The following CIT variants were observed in gnomAD, a reference collection of about 807,000 sequenced individuals.
The protein encoded by CIT is citron Rho-interacting kinase.
In CIT, 79 loss-of-function variants were observed where a neutral mutation model predicts 272.7. The ratio of observed to expected loss-of-function variants is 0.29; its 90% CI spans 0.24 to 0.35. The LOEUF is 0.35. Among genes scored for constraint, CIT ranks in the 10% least tolerant of loss-of-function variants. The pLI, the probability that CIT is intolerant of heterozygous loss-of-function variation, is 1.00. For missense variants in CIT, 1,909 were observed against 2,618.3 expected (o/e 0.73, Z 5.91); for synonymous variants, 948 against 995.6 (o/e 0.95, Z 0.90).
chr12:119,760,662 C>G (rs1003682703), intron 20 of CIT, among the ~76,000 whole-genome samples: 1 of 151,678 alleles, frequency 6.6e-6, no homozygotes, highest in Non-Finnish European at 1.5e-5. Flanking sequence ...CCAAGAGCCA[C>G]TGGACATTTT....
Position 119,776,806 on chromosome 12 carries a change from T to C in CIT, c.1702A>G (p.Met568Val). 1 of 1,614,076 alleles carries C rather than the reference T, an allele frequency of 6.2e-7. No homozygotes were observed. The highest frequency in any genetic ancestry group is 8.5e-7 in the Non-Finnish European group (1 of 1,180,030). Reference sequence around the variant, plus strand: ...ACAAGATCCTCTTCCAACTGATTCATCATCAACCTCATTTCTTCCACTTGA... The same window carrying C: ...ACAAGATCCTCTTCCAACTGATTCACCATCAACCTCATTTCTTCCACTTGA... ...QAQVEEMRLM[M>V]NQLEEDLVSA... Residue 568 changes from methionine (M) to valine (V), a missense_variant, in exon 14 of 48, where the codon ATG becomes GTG. Around this residue, in one of 8 missense-constraint regions of CIT, gnomAD observed 530 missense variants for 822.4 expected, o/e 0.64. Coordinates refer to ENST00000392521, the MANE Select transcript of CIT (RefSeq NM_001206999.2).
chr12:119,731,475 C>CAAAAAAAAA (rs34429031), intron 26 of CIT, among the ~76,000 whole-genome samples: 2 of 108,038 alleles, frequency 1.9e-5, no homozygotes, highest in Non-Finnish European at 1.9e-5. Flanking sequence ...ACTCCATTCT[C>CAAAAAAAAA]AAAAAAAAAA....
rs10699099 is a variant in CIT at position 119,717,838 on chromosome 12, C to CTTTTTTTTTTT, written c.4168+396_4168+406dup. Reference sequence around the variant, plus strand: ...GGGGAGCCAGGAGACTGACTTCTTTCTTTTTTTTTTTTTTTTTTTTGAGAT... The same window carrying CTTTTTTTTTTT: ...GGGGAGCCAGGAGACTGACTTCTTTCTTTTTTTTTTTTTTTTTTTTTTTTTTTTTTTGAGAT... On this transcript the variant is annotated intron_variant, in intron 32 of 47. Transcript: ENST00000392521. Among the ~76,000 whole-genome samples the CTTTTTTTTTTT allele has an allele frequency of 1.0e-3, 81 of 81,334 alleles. 10 individuals are homozygous for CTTTTTTTTTTT. Among genetic ancestry groups the CTTTTTTTTTTT allele is most frequent in the African/African-American group, 2.3e-3 (47 of 20,206 alleles). 53.4% of individuals were successfully genotyped at this position (81,334 alleles called of 152,430 possible).
intron 5 of CIT, among the ~76,000 whole-genome samples, chr12:119,845,893 A>AAC (rs1969769085): frequency 6.6e-6 from 1 of 150,940 alleles, no homozygotes; most frequent in Admixed American, 6.6e-5. Context: ...GTGAGCCGAG[A>AAC]ACACGCCACT....
chr12:119,715,231 T>C (rs1957396110), intron 32 of CIT, among the ~76,000 whole-genome samples: 1 of 152,214 alleles, frequency 6.6e-6, no homozygotes, highest in Admixed American at 6.5e-5. Context: ...TACACCTCTT[T>C]TTCTTTATAA....
intron 17 of CIT, among the ~76,000 whole-genome samples, chr12:119,772,054 G>A (rs773191403): frequency 2.6e-5 from 4 of 152,066 alleles, no homozygotes; most frequent in African/African-American, 9.7e-5. Context: ...GGGTGAGGAT[G>A]GCCCAAAAGA....
Position 119,784,561 on chromosome 12 carries a change from G to A in CIT, c.1401+399C>T, listed in dbSNP as rs987527824. 2.9e-5 allele frequency: 34 copies of A among 1,173,646 alleles called. No homozygotes were observed. Among genetic ancestry groups the A allele is most frequent in the African/African-American group, 2.9e-4 (18 of 62,554 alleles). 72.7% of individuals were successfully genotyped at this position (1,173,646 alleles called of 1,614,324 possible). A position where few individuals can be genotyped will look rare whatever the true frequency, so the allele number is the denominator to read the frequency against. On this transcript the variant is annotated intron_variant, in intron 11 of 47. Transcript: ENST00000392521. The surrounding 1 kb of genome is among the most constrained non-coding windows in gnomAD (Gnocchi z 4.7). ...CAGTGAATGTTAAGAGACGTTGAGC[G>A]TAATCAACACAGTGGCCGCAGTGAC...
Position 119,857,543 on chromosome 12 carries a change from CCTT to C in CIT, c.391_393del (p.Lys131del). 1 of 1,614,082 alleles carries C rather than the reference CCTT, an allele frequency of 6.2e-7. No individual in the cohort carries two copies. Among genetic ancestry groups the C allele is most frequent in the Non-Finnish European group, 8.5e-7 (1 of 1,180,004 alleles). On this transcript the variant is annotated inframe_deletion, in exon 4 of 48. Coordinates refer to ENST00000392521, the MANE Select transcript of CIT (RefSeq NM_001206999.2). ...CCTACCTGCTCCTGGGCCAATAAAG[CCTT>C]CTTCTTCATCACTTTCATAGCATAG...
At chr12:119,746,772 T>C (rs1959478944) in intron 23 of CIT, among the ~76,000 whole-genome samples, 1 of 152,234 alleles carries the variant, frequency 6.6e-6, no homozygotes, top group Admixed American at 6.5e-5. Flanking sequence ...GATTTATTAC[T>C]GTTTATGAAA....
At chr12:119,777,437 T>C (rs948910454) in intron 13 of CIT, among the ~76,000 whole-genome samples, 3 of 151,832 alleles carry the variant, frequency 2.0e-5, no homozygotes, top group African/African-American at 4.8e-5. Flanking sequence ...TTTGGGAGGC[T>C]GAGGCAGGCG....
At chr12:119,699,327 T>C (rs1197459361) in intron 44 of CIT, among the ~76,000 whole-genome samples, 1 of 150,796 alleles carries the variant, frequency 6.6e-6, no homozygotes, top group Non-Finnish European at 1.5e-5. Flanking sequence ...ATTTAGACAT[T>C]GCTGGTCTTC....
chr12:119,690,364 G>C lies in CIT; in HGVS notation c.5973C>G (p.His1991Gln). The change falls in exon 47 of 48, where the codon CAC becomes CAG. Residue 1991 changes from histidine to glutamine, a missense_variant. Coordinates refer to ENST00000392521, the MANE Select transcript of CIT (RefSeq NM_001206999.2). The surrounding 1 kb of genome is among the most constrained non-coding windows in gnomAD (Gnocchi z 6.0). ...SSPAPPEGPS[H>Q]PREPSTPHRY... ...GGTGGGGTGTGCTTGGCTCTCGCGGGTGGCTGGGGCCTTCGGGCGGCGCTG... is the reference window on the plus strand; with the variant it reads ...GGTGGGGTGTGCTTGGCTCTCGCGGCTGGCTGGGGCCTTCGGGCGGCGCTG... The C allele has an allele frequency of 6.3e-7, 1 of 1,598,180 alleles. No homozygotes were observed. The highest frequency in any genetic ancestry group is 8.5e-7 in the Non-Finnish European group (1 of 1,178,316).
At chr12:119,864,251 A>G (rs945468984) in intron 3 of CIT, among the ~76,000 whole-genome samples, 8 of 152,208 alleles carry the variant, frequency 5.3e-5, no homozygotes, top group Admixed American at 4.6e-4. Context: ...CAAATTGCCA[A>G]TAACAGCCCA....
chr12:119,741,750 T>C (rs1283465282), intron 24 of CIT, among the ~76,000 whole-genome samples: 2 of 152,126 alleles, frequency 1.3e-5, no homozygotes, highest in African/African-American at 4.8e-5. Context: ...AACATCCCCA[T>C]CTTCTGAAAG....
At chr12:119,709,493 G>A (rs2137043023) in intron 39 of CIT, among the ~76,000 whole-genome samples, 1 of 152,224 alleles carries the variant, frequency 6.6e-6, no homozygotes, top group Middle Eastern at 3.4e-3. Context: ...AAGAGACGGA[G>A]GAAAAAGAGC....
intron 7 of CIT, among the ~76,000 whole-genome samples, chr12:119,831,731 T>G (rs1968650125): frequency 6.6e-6 from 1 of 152,076 alleles, no homozygotes; most frequent in Non-Finnish European, 1.5e-5. Flanking sequence ...TAGCTGGGCA[T>G]GGTGGCGGGC....
intron 47 of CIT, among the ~76,000 whole-genome samples, chr12:119,688,913 C>T (rs1955750639): frequency 6.6e-6 from 1 of 150,860 alleles, no homozygotes; most frequent in Non-Finnish European, 1.5e-5. Flanking sequence ...GTAATCCCAG[C>T]ATTTTGGGAG....
rs1408925325 is a variant in CIT, at chr12:119,834,220, T to C, written c.525A>G (p.Glu175=). The C allele has an allele frequency of 2.4e-5, 39 of 1,608,298 alleles. No individual in the cohort carries two copies. The highest frequency in any genetic ancestry group is 3.1e-5 in the Non-Finnish European group (37 of 1,178,258). Residue 175 remains glutamate (E), a synonymous_variant, in exon 6 of 48, where the codon GAA becomes GAG. Coordinates refer to ENST00000392521, the MANE Select transcript of CIT (RefSeq NM_001206999.2). ...QDKNHLYLVM[E]YQPGGDLLSL... is the part of the protein sequence containing the mutation. ...ACAGCAAGTCCCCTCCAGGCTGATATTCCATGACCTGTATAGAATGCCAAA... is the reference window on the plus strand; with the variant it reads ...ACAGCAAGTCCCCTCCAGGCTGATACTCCATGACCTGTATAGAATGCCAAA...
chr12:119,821,633 C>A (rs888889274), intron 9 of CIT, among the ~76,000 whole-genome samples: 2 of 152,062 alleles, frequency 1.3e-5, no homozygotes, highest in Non-Finnish European at 2.9e-5. Flanking sequence ...ACTGCTTATT[C>A]AAGAAGATTA....
Sources: gnomAD v4.1 joint callset for allele counts (sites outside exome capture counted in the v4.1 genomes callset) on GRCh38, gnomAD v4.1.1 for gene constraint, gnomAD v4.1.1 regional missense constraint, Gnocchi (gnomAD v3.1) non-coding constraint, MANE v1.5 for transcripts, NCBI Gene and HGNC (gene_info 2026-07-23, HGNC 2026-07-21) for gene names.